The following RALGDS variants were observed in gnomAD, a reference collection of about 807,000 sequenced individuals.
RALGDS encodes ral guanine nucleotide dissociation stimulator.
RALGDS carries 44 observed loss-of-function variants against 99.8 expected under a neutral mutation model. That is an observed-to-expected ratio of 0.44 (90% confidence interval 0.35 to 0.57). RALGDS has a LOEUF of 0.57. RALGDS is among the 20% of genes least tolerant of loss of function. The pLI, the probability that RALGDS is intolerant of heterozygous loss-of-function variation, is 0.01. For missense variants in RALGDS, 1,022 were observed against 1,203.1 expected (o/e 0.85, Z 2.23); for synonymous variants, 529 against 505.0 (o/e 1.05, Z -0.64).
chr9:133,100,472 T>C, intron 16 of RALGDS, 90 bp from the exon 17 acceptor site: 1 of 1,605,042 alleles, frequency 6.2e-7, no homozygotes, highest in South Asian at 1.1e-5. Context: ...TGGAGTCCCC[T>C]CAGCACCAAG....
In RALGDS at chr9:133,144,073, G is replaced by A. The variant is rs1214770632; in HGVS notation, c.18+4890C>T. Among the ~76,000 whole-genome samples, 1 of 152,124 alleles carries A rather than the reference G, an allele frequency of 6.6e-6. No homozygotes were observed. Among genetic ancestry groups the A allele is most frequent in the Admixed American group, 6.5e-5 (1 of 15,286 alleles). On this transcript the variant is annotated intron_variant, in intron 1 of 17. Transcript: ENST00000393160. This position sits in a 1 kb window ranked among gnomAD's most constrained non-coding sequence, Gnocchi z 4.5. ...CAGGGTCTGGGGCTGGGGTTGGGGGGAAGGACCCCTCAAGTCTCTATCTGC... is the reference window on the plus strand; with the variant it reads ...CAGGGTCTGGGGCTGGGGTTGGGGGAAAGGACCCCTCAAGTCTCTATCTGC...
At chr9:133,108,447 T>C (rs1315423358) in intron 5 of RALGDS, 41 bp from the exon 6 acceptor site, 1 of 1,517,892 alleles carries the variant, frequency 6.6e-7, no homozygotes, top group East Asian at 2.4e-5. Flanking sequence ...CAGCCTTTCC[T>C]GTGCCTTTCC....
At chr9:133,100,983 GTCGCAGGACACC>G in intron 16 of RALGDS, 1 of 1,053,362 alleles carries the variant, frequency 9.5e-7, no homozygotes, top group Non-Finnish European at 1.1e-6. Context: ...TGGTTCATCT[GTCGCAGGACACC>G]TGGAGGATGA....
At chr9:133,103,679 C>T (rs1317078284) in intron 11 of RALGDS, 68 bp downstream of exon 11, 5 of 1,515,920 alleles carry the variant, frequency 3.3e-6, no homozygotes. Flanking sequence ...GTGTGGCAGC[C>T]CAGCCCCCAG....
chr9:133,102,912 G>C lies in RALGDS; in HGVS notation c.1792-12C>G, dbSNP rs1830828505. On this transcript the variant is annotated splice_polypyrimidine_tract_variant and intron_variant, in intron 12 of 17. Coordinates refer to ENST00000372050, the MANE Select transcript of RALGDS (RefSeq NM_006266.4). The stretch of plus-strand genomic sequence containing the variant: ...ATCACCTCGAACTCCTGGGGCCAGA[G>C]GGAAGCACAGGGCGGTGACAAGGCC... The C allele has an allele frequency of 6.2e-7, 1 of 1,612,528 alleles. No homozygotes were observed. Among genetic ancestry groups the C allele is most frequent in the African/African-American group, 1.3e-5 (1 of 74,930 alleles).
chr9:133,136,745 T>C (rs1832433475), intron 1 of RALGDS, among the ~76,000 whole-genome samples: 1 of 152,010 alleles, frequency 6.6e-6, no homozygotes, highest in Non-Finnish European at 1.5e-5. Context: ...CACTCCAGCC[T>C]GGGCGACAGA....
rs538618056 is a variant in RALGDS, at chr9:133,143,546, A to C, written c.18+5417T>G. On this transcript the variant is annotated intron_variant, in intron 1 of 17. Transcript: ENST00000393160. ...GAGGCGGGGGGAATCCCTTGAGCCC[A>C]GGTGTTTGAGACCAGCCTGGGCAAC... is the stretch of plus-strand genomic sequence containing the variant. Among the ~76,000 whole-genome samples, 3 of 152,112 alleles carry C rather than the reference A, an allele frequency of 2.0e-5. No individual in the cohort carries two copies. In the South Asian group the frequency reaches 6.2e-4, roughly 32 times the overall value.
rs1016172968 is a variant in RALGDS, at chr9:133,143,414, C to T, written c.18+5549G>A. Among the ~76,000 whole-genome samples, 13 of 152,198 alleles carry T rather than the reference C, an allele frequency of 8.5e-5. No individual in the cohort carries two copies. The East Asian group carries it at 1.9e-3, about 23-fold the overall frequency. On this transcript the variant is annotated intron_variant, in intron 1 of 17. Coordinates refer to the RALGDS transcript ENST00000393160. ...GGGGCGGGCCTGGTAGCTCGGTGAG[C>T]GAGGAGGTGGTGGGAGGGCCTTGTG...
At chr9:133,107,800 C>A (rs1831147126) in intron 6 of RALGDS, among the ~76,000 whole-genome samples, 188 bp downstream of exon 6, 1 of 152,210 alleles carries the variant, frequency 6.6e-6, no homozygotes, top group Admixed American at 6.5e-5. Flanking sequence ...ATAGGGGTGA[C>A]CTCATCTCTA....
chr9:133,113,368 C>T (rs57361368), intron 1 of RALGDS, among the ~76,000 whole-genome samples: 2 of 152,312 alleles, frequency 1.3e-5, no homozygotes, highest in East Asian at 3.9e-4. Flanking sequence ...TCCTGCGCAC[C>T]CTCAGAGGCC....
At position 133,098,998 on chromosome 9, in the gene RALGDS, C is replaced by T. The variant is rs183449358; in HGVS notation, c.2570-236G>A. The T allele has an allele frequency of 2.5e-5, 13 of 521,862 alleles. No individual in the cohort carries two copies. The East Asian group carries it at 4.4e-4, about 18-fold the overall frequency. The allele number at this position is 521,862 out of a possible 1,614,324, so 32.3% of individuals were successfully genotyped here. On this transcript the variant is annotated intron_variant, in intron 17 of 17. Transcript: ENST00000372050. ...TAAACAGGGACTGACTCCAGAACCC[C>T]CCGGCTTGGCCTGAGCTGGCAGAGG... is the stretch of plus-strand genomic sequence containing the variant.
intron 1 of RALGDS, among the ~76,000 whole-genome samples, chr9:133,147,466 G>A (rs759320064): frequency 2.0e-5 from 3 of 152,194 alleles, no homozygotes; most frequent in Non-Finnish European, 2.9e-5. Context: ...CAAGCCCAAC[G>A]CTGCCCCCCC....
chr9:133,121,267 T>G, upstream of RALGDS: 1 of 976,130 alleles, frequency 1.0e-6, no homozygotes, highest in African/African-American at 1.8e-5. Flanking sequence ...GCCCTGCTGA[T>G]GTCAGGCTGG....
intron 1 of RALGDS, among the ~76,000 whole-genome samples, chr9:133,116,176 A>G (rs1033480299): frequency 2.1e-4 from 32 of 152,346 alleles, no homozygotes; most frequent in Admixed American, 9.1e-4. Flanking sequence ...CCTGCCCTCC[A>G]GCTCCAGGTG....
At chr9:133,109,746 G>A (rs1194062116) in intron 3 of RALGDS, 25 bp from the exon 4 acceptor site, 12 of 1,593,110 alleles carry the variant, frequency 7.5e-6, no homozygotes, top group African/African-American at 1.3e-5. Flanking sequence ...TAGTGTTACT[G>A]TCTGACTCTC....
At chr9:133,102,452 T>C (rs1830802366) in intron 14 of RALGDS, 24 bp downstream of exon 14, 1 of 1,608,822 alleles carries the variant, frequency 6.2e-7, no homozygotes, top group Non-Finnish European at 8.5e-7. Flanking sequence ...CAGCTGCCCC[T>C]ACCACCCTTG....
In RALGDS at chr9:133,101,511, C is replaced by T; in HGVS notation, c.2454+9G>A. 1 of 1,611,370 alleles carries T rather than the reference C, an allele frequency of 6.2e-7. No individual in the cohort carries two copies. The highest frequency in any genetic ancestry group is 8.5e-7 in the Non-Finnish European group (1 of 1,179,870). ...GAGGGAGGCACCCAGGCCACCCCCG[C>T]CGGCTTACCAGGATGCTCTTGTACA... On this transcript the variant is annotated intron_variant, in intron 16 of 17. Transcript: ENST00000372050.
At chr9:133,100,096 A>G (rs1830682595) in intron 17 of RALGDS, 172 bp downstream of exon 17, 1 of 718,122 alleles carries the variant, frequency 1.4e-6, no homozygotes, top group South Asian at 1.5e-5. Context: ...GGGGAGGTCC[A>G]GTGGTTGCTG....
chr9:133,100,931 C>G (rs921947421), intron 16 of RALGDS: 48 of 1,044,146 alleles, frequency 4.6e-5, no homozygotes, highest in Non-Finnish European at 5.2e-5. Flanking sequence ...AATAATGGGG[C>G]ACCTGACCCA....
Sources: allele counts gnomAD v4.1 joint callset (sites outside exome capture counted in the v4.1 genomes callset), GRCh38; gene constraint gnomAD v4.1.1; non-coding constraint Gnocchi (gnomAD v3.1); transcripts MANE v1.5; gene names NCBI Gene and HGNC (gene_info 2026-07-23, HGNC 2026-07-21).